The following MTMR12 variants were observed in gnomAD, a reference collection of about 807,000 sequenced individuals.
MTMR12 encodes myotubularin related protein 12.
MTMR12 carries 33 observed loss-of-function variants against 96.7 expected under a neutral mutation model. The ratio of observed to expected loss-of-function variants is 0.34; its 90% confidence interval spans 0.26 to 0.46. The LOEUF is 0.46. Ranked by LOEUF, MTMR12 falls within the 20% of genes least tolerant of loss-of-function variation. The pLI, the probability that MTMR12 is intolerant of heterozygous loss-of-function variation, is 1.00. For missense variants in MTMR12, 721 were observed against 896.1 expected (o/e 0.80, Z 2.49); for synonymous variants, 298 against 327.2 (o/e 0.91, Z 0.96).
rs182066674 is a variant in MTMR12, at chr5:32,306,369, A to C, written c.81+6389T>G. ...GATATGCGTAGTTCCTGGAACACAG[A>C]AGTGCCTAATAAATACTAGTAATTA... On this transcript the variant is annotated intron_variant, in intron 1 of 15. Transcript: ENST00000382142. Among the ~76,000 whole-genome samples the C allele has an allele frequency of 4.9e-4, 75 of 152,312 alleles. 1 individual carries two copies. The highest frequency in any genetic ancestry group is 1.7e-3 in the African/African-American group (72 of 41,568).
intron 10 of MTMR12, 32 bp from the exon 11 acceptor site, chr5:32,243,631 G>GTCAT: frequency 7.1e-7 from 1 of 1,416,574 alleles, no homozygotes; most frequent in Non-Finnish European, 1.0e-6. Flanking sequence ...AAGACGTCAG[G>GTCAT]TCATTGTTCA....
At chr5:32,231,874 C>T (rs1251329980) in intron 15 of MTMR12, among the ~76,000 whole-genome samples, 1 of 152,216 alleles carries the variant, frequency 6.6e-6, no homozygotes, top group Admixed American at 6.5e-5. Flanking sequence ...CTCACATTCA[C>T]TGAGCACCTC....
chr5:32,231,127 T>C (rs892698338), intron 15 of MTMR12, among the ~76,000 whole-genome samples: 3 of 152,132 alleles, frequency 2.0e-5, no homozygotes, highest in Non-Finnish European at 4.4e-5. Context: ...CAGTAGCTCA[T>C]GCCTGTAATC....
intron 15 of MTMR12, among the ~76,000 whole-genome samples, chr5:32,230,566 C>T (rs1418218625): frequency 3.9e-5 from 6 of 152,174 alleles, no homozygotes. Flanking sequence ...AATGGGGAAG[C>T]AGGTGCACGT....
intron 1 of MTMR12, among the ~76,000 whole-genome samples, chr5:32,303,765 C>T (rs1452289889): frequency 6.7e-6 from 1 of 149,530 alleles, no homozygotes; most frequent in Non-Finnish European, 1.5e-5. Flanking sequence ...CCTAACAAAG[C>T]CAAGATCTCA....
chr5:32,278,466 C>A (rs887360285), intron 1 of MTMR12, among the ~76,000 whole-genome samples: 1 of 151,840 alleles, frequency 6.6e-6, no homozygotes, highest in African/African-American at 2.4e-5. Flanking sequence ...TTAGAAGAAA[C>A]TTGGGTACAG....
chr5:32,261,554 C>G (rs1749360185), intron 7 of MTMR12, among the ~76,000 whole-genome samples: 1 of 152,188 alleles, frequency 6.6e-6, no homozygotes, highest in African/African-American at 2.4e-5. Context: ...ACTCCCTAAC[C>G]ATGTGCTGGA....
chr5:32,299,759 T>G (rs925777830), intron 1 of MTMR12, among the ~76,000 whole-genome samples: 2 of 152,158 alleles, frequency 1.3e-5, no homozygotes, highest in Admixed American at 6.5e-5. Context: ...TTGGATTCTA[T>G]TCCTCAAGAC....
intron 7 of MTMR12, among the ~76,000 whole-genome samples, chr5:32,258,288 T>C (rs530023662): frequency 2.9e-4 from 44 of 152,378 alleles, no homozygotes; most frequent in African/African-American, 1.0e-3. Flanking sequence ...TCTGAAGTAC[T>C]TGAAATATTT....
intron 7 of MTMR12, among the ~76,000 whole-genome samples, chr5:32,257,310 T>TAA (rs111642876): frequency 6.6e-6 from 1 of 152,070 alleles, no homozygotes; most frequent in African/African-American, 2.4e-5. Context: ...ACCCTGTCTT[T>TAA]AAAAAATTAA....
intron 14 of MTMR12, chr5:32,234,729 C>A: frequency 2.8e-6 from 1 of 361,592 alleles, no homozygotes; most frequent in Non-Finnish European, 5.1e-6. Context: ...GCTCTTAGAC[C>A]AATGCTTGGT....
chr5:32,273,537 A>C (rs1749925330), intron 3 of MTMR12, among the ~76,000 whole-genome samples: 1 of 152,226 alleles, frequency 6.6e-6, no homozygotes, highest in South Asian at 2.1e-4. Flanking sequence ...ATGTTATTCC[A>C]GTGAGTGATA....
chr5:32,261,048 C>T (rs1294725978), intron 7 of MTMR12, among the ~76,000 whole-genome samples: 3 of 151,438 alleles, frequency 2.0e-5, no homozygotes, highest in Non-Finnish European at 4.4e-5. Flanking sequence ...GCCTGGCCAA[C>T]ATTGTGAAAC....
At chr5:32,245,150 C>T (rs778687142) in intron 10 of MTMR12, among the ~76,000 whole-genome samples, 1 of 152,198 alleles carries the variant, frequency 6.6e-6, no homozygotes, top group Non-Finnish European at 1.5e-5. Flanking sequence ...ATTCTTCTGT[C>T]TCAGCCTCCG....
intron 1 of MTMR12, among the ~76,000 whole-genome samples, chr5:32,286,660 G>A (rs921738366): frequency 3.9e-5 from 6 of 152,186 alleles, no homozygotes; most frequent in Non-Finnish European, 8.8e-5. Context: ...ATTATTCAGA[G>A]CTTAGTTAAC....
intron 14 of MTMR12, among the ~76,000 whole-genome samples, chr5:32,234,310 T>C (rs1748121018): frequency 6.6e-6 from 1 of 152,190 alleles, no homozygotes; most frequent in African/African-American, 2.4e-5. Flanking sequence ...CTGTTGCTCC[T>C]ACTTCACTGG....
intron 13 of MTMR12, among the ~76,000 whole-genome samples, chr5:32,237,175 C>T (rs558549707): frequency 5.9e-5 from 9 of 152,338 alleles, no homozygotes; most frequent in Non-Finnish European, 1.3e-4. Flanking sequence ...ATGCTGACTA[C>T]CTGGAGTATG....
chr5:32,268,029 T>C (rs144502482), intron 6 of MTMR12, among the ~76,000 whole-genome samples: 2,346 of 152,174 alleles, frequency 0.015, 32 homozygotes, highest in Non-Finnish European at 0.024. Flanking sequence ...AGACAGGGTT[T>C]CACCAGGTTG....
chr5:32,248,113 T>C lies in MTMR12; in HGVS notation c.910A>G (p.Ile304Val), dbSNP rs773593125. 27 of 1,613,762 alleles carry C rather than the reference T, an allele frequency of 1.7e-5. No homozygotes were observed. The highest frequency in any genetic ancestry group is 2.2e-5 in the East Asian group (1 of 44,904). Residue 304 changes from isoleucine to valine, a missense_variant, in exon 10 of 16, where the codon ATC becomes GTC. Coordinates refer to ENST00000382142, the MANE Select transcript of MTMR12 (RefSeq NM_001040446.3). ...KSFLDGIYKT[I>V]HRPPYEIVKT... Reference sequence around the variant, plus strand: ...ACAATTTCATAGGGTGGCCTGTGGATGGTCTTGTAAATTCTAGGTATCAAA... The same window carrying C: ...ACAATTTCATAGGGTGGCCTGTGGACGGTCTTGTAAATTCTAGGTATCAAA...
Sources: gnomAD v4.1 joint callset for allele counts (sites outside exome capture counted in the v4.1 genomes callset) on GRCh38, gnomAD v4.1.1 for gene constraint, MANE v1.5 for transcripts, NCBI Gene and HGNC (gene_info 2026-07-23, HGNC 2026-07-21) for gene names.